The following GLRA3 variants were observed in gnomAD, a reference collection of about 807,000 sequenced individuals.
GLRA3 encodes the protein glycine receptor alpha 3, also known as glycine receptor subunit alpha-3.
Under a neutral mutation model 60.4 loss-of-function variants are expected in GLRA3, and 44 were observed. The ratio of observed to expected loss-of-function variants is 0.73; its 90% CI spans 0.57 to 0.94. The LOEUF (loss-of-function observed/expected upper bound fraction) is 0.94, where lower values mean the gene tolerates loss of function less well. GLRA3 is among the 40% of genes least tolerant of loss of function. The pLI is 0.00. For synonymous variants in GLRA3, 223 were observed against 192.9 expected, an observed-to-expected ratio of 1.16 and a Z score of -1.29; for missense variants, 508 against 564.6, an observed-to-expected ratio of 0.90 and a Z score of 1.02.
intron 3 of GLRA3, among the ~76,000 whole-genome samples, chr4:174,732,441 A>G (rs1191517076): frequency 6.6e-6 from 1 of 152,180 alleles, no homozygotes; most frequent in African/African-American, 2.4e-5. Context: ...ATTTTAGTTC[A>G]AAATACAAAA....
Position 174,788,840 on chromosome 4 carries a change from C to G in GLRA3, c.175G>C (p.Ala59Pro). 6.2e-7 allele frequency: 1 copy of G among 1,605,576 alleles called. No individual in the cohort carries two copies. Among genetic ancestry groups the G allele is most frequent in the Non-Finnish European group, 8.5e-7 (1 of 1,175,072 alleles). The part of the protein sequence containing the change: ...KLMGRTSGYD[A>P]RIRPNFKGPP... ...CCTTTAAAATTGGGTCTGATTCTTG[C>G]ATCATATCCTGATGTCCTGCCCATT... The change falls in exon 2 of 10, where the codon GCA (alanine) becomes CCA (proline). Residue 59 changes from alanine (A) to proline (P), a missense_variant. By Grantham distance (27) the Ala-to-Pro change is conservative (BLOSUM62 -1). Coordinates refer to ENST00000274093, the MANE Select transcript of GLRA3 (RefSeq NM_006529.4).
At chr4:174,682,224 A>G (rs1734372709) in intron 6 of GLRA3, among the ~76,000 whole-genome samples, 1 of 152,176 alleles carries the variant, frequency 6.6e-6, no homozygotes, top group Non-Finnish European at 1.5e-5. Context: ...GAAATAGCCC[A>G]TGTTAGTTAA....
At chr4:174,817,469 T>C (rs540450491) in intron 1 of GLRA3, among the ~76,000 whole-genome samples, 1 of 152,322 alleles carries the variant, frequency 6.6e-6, no homozygotes, top group East Asian at 1.9e-4. Context: ...CACTCACAAA[T>C]GAAACTAATC....
At chr4:174,806,823 C>A (rs1443906496) in intron 1 of GLRA3, among the ~76,000 whole-genome samples, 1 of 151,882 alleles carries the variant, frequency 6.6e-6, no homozygotes, top group African/African-American at 2.4e-5. Context: ...TCTATAGACA[C>A]CCATATACAT....
intron 1 of GLRA3, among the ~76,000 whole-genome samples, chr4:174,816,261 C>G (rs1049651000): frequency 4.6e-5 from 7 of 152,038 alleles, no homozygotes; most frequent in African/African-American, 1.2e-4. Context: ...GAGCTGGGGA[C>G]TGGCACAGCC....
intron 4 of GLRA3, among the ~76,000 whole-genome samples, chr4:174,726,350 T>C (rs1736323021): frequency 6.6e-6 from 1 of 152,180 alleles, no homozygotes; most frequent in Non-Finnish European, 1.5e-5. Context: ...GGTGTGATGG[T>C]ACCTCAATAC....
At position 174,690,111 on chromosome 4, in the gene GLRA3, G is replaced by A. The variant is rs370798106; in HGVS notation, c.575-7172C>T. Among the ~76,000 whole-genome samples the A allele has an allele frequency of 3.3e-5, 5 of 152,210 alleles. No individual in the cohort carries two copies. In the East Asian group the frequency reaches 5.8e-4, roughly 18 times the overall value. On this transcript the variant is annotated intron_variant, in intron 5 of 9. Coordinates refer to ENST00000274093, the MANE Select transcript of GLRA3 (RefSeq NM_006529.4). ...AAGTCAGATGCAGAAGACAAATACC[G>A]CATGTTCTCACTTGTAAGTGGGAAA...
chr4:174,773,245 T>C (rs28465167), intron 2 of GLRA3, among the ~76,000 whole-genome samples: 12,705 of 152,176 alleles, frequency 0.083, 867 homozygotes, highest in East Asian at 0.38. Context: ...TTCACGACTT[T>C]AGGCATAGTC....
intron 2 of GLRA3, among the ~76,000 whole-genome samples, chr4:174,787,321 C>T (rs1000860143): frequency 5.3e-5 from 8 of 152,012 alleles, no homozygotes; most frequent in Non-Finnish European, 1.0e-4. Flanking sequence ...ATGGACTCAC[C>T]ATAATGAATC....
chr4:174,676,176 T>C (rs1734109292), intron 7 of GLRA3, among the ~76,000 whole-genome samples: 2 of 152,162 alleles, frequency 1.3e-5, no homozygotes, highest in African/African-American at 2.4e-5. Flanking sequence ...CTATATCTTA[T>C]GCAAAGCAAT....
At chr4:174,715,083 C>A (rs566117783) in intron 5 of GLRA3, among the ~76,000 whole-genome samples, 1 of 152,298 alleles carries the variant, frequency 6.6e-6, no homozygotes, top group South Asian at 2.1e-4. Flanking sequence ...TTCAACATGA[C>A]CACTTTCACA....
intron 1 of GLRA3, among the ~76,000 whole-genome samples, chr4:174,800,028 T>TAA (rs1421044597): frequency 6.6e-6 from 1 of 152,024 alleles, no homozygotes; most frequent in African/African-American, 2.4e-5. Context: ...CTATTATAAT[T>TAA]AATAACTAAA....
At position 174,828,807 on chromosome 4, in the gene GLRA3, G is replaced by C; in HGVS notation, c.5C>G (p.Ala2Gly). Residue 2 changes from alanine to glycine, a missense_variant, in exon 1 of 10, where the codon GCC becomes GGC. Physicochemically the swap from Ala to Gly is moderately conservative, Grantham distance 60 (BLOSUM62 0). This residue lies in a region of GLRA3 where 329 missense variants were observed against 349.3 expected (regional missense o/e 0.94). Transcript: ENST00000274093. ...TAATGTCCGAAAGTGTCTCACGTGG[G>C]CCATGATACGGAGAGATATTCACGA... M[A>G]HVRHFRTLVS... The C allele has an allele frequency of 6.2e-7, 1 of 1,603,484 alleles. No homozygotes were observed. Among genetic ancestry groups the C allele is most frequent in the Non-Finnish European group, 8.5e-7 (1 of 1,170,296 alleles).
intron 3 of GLRA3, among the ~76,000 whole-genome samples, chr4:174,736,314 A>T (rs1321501258): frequency 6.6e-6 from 1 of 152,182 alleles, no homozygotes; most frequent in Non-Finnish European, 1.5e-5. Context: ...AAATTTAAAA[A>T]ATCGTGATCA....
chr4:174,689,144 C>T (rs1037630230), intron 5 of GLRA3, among the ~76,000 whole-genome samples: 2 of 152,068 alleles, frequency 1.3e-5, no homozygotes, highest in African/African-American at 4.8e-5. Flanking sequence ...TTAAATATAG[C>T]TTTACAAACC....
At chr4:174,780,660 A>T (rs2111276790) in intron 2 of GLRA3, among the ~76,000 whole-genome samples, 1 of 151,604 alleles carries the variant, frequency 6.6e-6, no homozygotes, top group Non-Finnish European at 1.5e-5. Flanking sequence ...CAGGGGTTGC[A>T]ATCCTAGTCT....
At chr4:174,773,850 G>A (rs1378520306) in intron 2 of GLRA3, among the ~76,000 whole-genome samples, 1 of 152,140 alleles carries the variant, frequency 6.6e-6, no homozygotes, top group Non-Finnish European at 1.5e-5. Flanking sequence ...GTGCAAAATA[G>A]GCTTAAGTGC....
chr4:174,650,073 TA>T (rs1369379140), intron 9 of GLRA3, among the ~76,000 whole-genome samples: 4 of 152,180 alleles, frequency 2.6e-5, no homozygotes, highest in African/African-American at 9.7e-5. Flanking sequence ...TACGGGTGGC[TA>T]ATTAATCCAG....
chr4:174,707,514 A>G (rs755108881), intron 5 of GLRA3, among the ~76,000 whole-genome samples: 1 of 151,640 alleles, frequency 6.6e-6, no homozygotes, highest in African/African-American at 2.4e-5. Flanking sequence ...AATGATTGGC[A>G]CTGTCACGGG....
Sources: allele counts gnomAD v4.1 joint callset (sites outside exome capture counted in the v4.1 genomes callset), GRCh38; gene constraint gnomAD v4.1.1; regional missense constraint gnomAD v4.1.1; transcripts MANE v1.5; gene names NCBI Gene and HGNC (gene_info 2026-07-23, HGNC 2026-07-21).